CACNB4: variants seen among roughly 807,000 people sequenced by gnomAD.
CACNB4 encodes calcium voltage-gated channel auxiliary subunit beta 4.
In CACNB4, 32 loss-of-function variants were observed where a neutral mutation model predicts 71.2. The ratio of observed to expected loss-of-function variants is 0.45; its 90% CI spans 0.34 to 0.60. CACNB4 has a LOEUF of 0.60. Among genes scored for constraint, CACNB4 ranks in the 20% least tolerant of loss-of-function variants. The pLI is 0.01. For synonymous variants in CACNB4, 231 were observed against 236.9 expected, an observed-to-expected ratio of 0.97 and a Z score of 0.23; for missense variants, 464 against 647.9, an observed-to-expected ratio of 0.72 and a Z score of 3.08.
intron 5 of CACNB4, chr2:151,872,743 A>G (rs113620231): frequency 9.4e-4 from 300 of 318,090 alleles, no homozygotes; most frequent in African/African-American, 6.2e-3. Context: ...CGGAAATCAG[A>G]CAAAACCATC....
chr2:151,901,977 A>G (rs2099853547), intron 2 of CACNB4, among the ~76,000 whole-genome samples: 1 of 152,050 alleles, frequency 6.6e-6, no homozygotes, highest in Non-Finnish European at 1.5e-5. Context: ...TTGTGAGAAT[A>G]AGTAGATGCA....
At chr2:151,887,773 C>T (rs2099849736) in intron 2 of CACNB4, among the ~76,000 whole-genome samples, 1 of 152,074 alleles carries the variant, frequency 6.6e-6, no homozygotes, top group Non-Finnish European at 1.5e-5. Flanking sequence ...TAATGTATAC[C>T]TTGTAGAGTT....
chr2:152,077,470 T>C (rs1281185288), intron 2 of CACNB4, among the ~76,000 whole-genome samples: 5 of 152,122 alleles, frequency 3.3e-5, no homozygotes, highest in African/African-American at 1.2e-4. Flanking sequence ...GGAGAATCAC[T>C]TGAACCCGGG....
intron 2 of CACNB4, among the ~76,000 whole-genome samples, chr2:151,939,833 A>G (rs1268170578): frequency 6.6e-6 from 1 of 152,226 alleles, no homozygotes; most frequent in Non-Finnish European, 1.5e-5. Context: ...TTGGGAAAGC[A>G]AAAACAAAAG....
chr2:151,875,584 C>T (rs1415230764), intron 5 of CACNB4, among the ~76,000 whole-genome samples: 13 of 147,350 alleles, frequency 8.8e-5, no homozygotes, highest in African/African-American at 3.1e-4. Context: ...GCAGAGGCGC[C>T]CCTCACCTCC....
chr2:152,015,794 T>C (rs1398023458), intron 2 of CACNB4, among the ~76,000 whole-genome samples: 1 of 152,212 alleles, frequency 6.6e-6, no homozygotes, highest in Non-Finnish European at 1.5e-5. Flanking sequence ...ACTCTGGTTG[T>C]CATAAGCCAC....
At chr2:152,041,426 T>C (rs558355473) in intron 2 of CACNB4, among the ~76,000 whole-genome samples, 1 of 152,322 alleles carries the variant, frequency 6.6e-6, no homozygotes, top group African/African-American at 2.4e-5. Context: ...TAAATTTCTG[T>C]TTAAATTTGC....
At chr2:151,850,823 A>T (rs796971267) in intron 12 of CACNB4, 51 of 152,316 alleles carry the variant, frequency 3.3e-4, no homozygotes, top group African/African-American at 1.2e-3. Flanking sequence ...TGGTATCAGG[A>T]TTATTTTCCC....
chr2:152,036,258 A>T (rs58761979), intron 2 of CACNB4, among the ~76,000 whole-genome samples: 39,595 of 152,146 alleles, frequency 0.26, 7,252 homozygotes, highest in East Asian at 0.74. Context: ...GCATATAGTT[A>T]ACACTGCTGT....
chr2:151,915,768 A>G (rs1275603891), intron 2 of CACNB4, among the ~76,000 whole-genome samples: 1 of 149,244 alleles, frequency 6.7e-6, no homozygotes, highest in East Asian at 2.0e-4. Context: ...AATTGCTTGA[A>G]CCTGGGAGGC....
At chr2:151,889,390 C>G (rs191260756) in intron 2 of CACNB4, among the ~76,000 whole-genome samples, 6 of 149,546 alleles carry the variant, frequency 4.0e-5, no homozygotes, top group African/African-American at 1.5e-4. Flanking sequence ...TGTTTGAACC[C>G]AGGAGAAGGA....
chr2:151,981,124 C>G (rs906414518), intron 2 of CACNB4, among the ~76,000 whole-genome samples: 22 of 152,186 alleles, frequency 1.4e-4, no homozygotes, highest in Admixed American at 1.4e-3. Context: ...TTCCATAACA[C>G]TCTATCTCCC....
intron 2 of CACNB4, among the ~76,000 whole-genome samples, chr2:152,006,049 T>C (rs1682706946): frequency 6.6e-6 from 1 of 152,254 alleles, no homozygotes; most frequent in South Asian, 2.1e-4. Context: ...GCATCAATTT[T>C]TACCCATAAT....
chr2:151,941,441 C>A (rs1162356532), intron 2 of CACNB4, among the ~76,000 whole-genome samples: 1 of 151,946 alleles, frequency 6.6e-6, no homozygotes, highest in Admixed American at 6.6e-5. Context: ...GCCACCATGC[C>A]TGGCTAATTT....
intron 12 of CACNB4, chr2:151,853,133 T>C (rs1313759725): frequency 1.2e-5 from 3 of 244,836 alleles, no homozygotes; most frequent in Non-Finnish European, 2.3e-5. Context: ...TTTTGTTCTT[T>C]TCTTAAGCGT....
chr2:152,011,092 T>C (rs1683029625), intron 2 of CACNB4, among the ~76,000 whole-genome samples: 1 of 152,064 alleles, frequency 6.6e-6, no homozygotes. Flanking sequence ...TTCAATACAA[T>C]GAAGAACACA....
chr2:152,088,098 T>C (rs1687758567), intron 2 of CACNB4, among the ~76,000 whole-genome samples: 1 of 149,972 alleles, frequency 6.7e-6, no homozygotes, highest in East Asian at 2.0e-4. Flanking sequence ...ATGAAAATAT[T>C]AGATTATGAC....
chr2:152,010,109 T>C (rs1003517394), intron 2 of CACNB4, among the ~76,000 whole-genome samples: 12 of 152,234 alleles, frequency 7.9e-5, no homozygotes, highest in African/African-American at 2.7e-4. Context: ...AACCTTTAAC[T>C]AAGCTCATTC....
intron 2 of CACNB4, among the ~76,000 whole-genome samples, chr2:152,017,042 T>G (rs1306185539): frequency 7.1e-6 from 1 of 140,360 alleles, no homozygotes; most frequent in Non-Finnish European, 1.5e-5. Context: ...TTTTAACCAC[T>G]AGGCTTCCTT....
Sources: gnomAD v4.1 joint callset for allele counts (sites outside exome capture counted in the v4.1 genomes callset) on GRCh38, gnomAD v4.1.1 for gene constraint, MANE v1.5 for transcripts, NCBI Gene and HGNC (gene_info 2026-07-23, HGNC 2026-07-21) for gene names.